The following LEPR variants were observed in gnomAD, a reference collection of about 807,000 sequenced individuals.
LEPR encodes the protein OB receptor.
A neutral mutation model predicts 114.7 loss-of-function variants in LEPR; 56 were observed. The ratio of observed to expected loss-of-function variants is 0.49; its 90% CI spans 0.39 to 0.61. LEPR has a LOEUF of 0.61. Ranked by LOEUF, LEPR falls within the 20% of genes least tolerant of loss-of-function variation. LEPR has a pLI of 0.00. For missense variants in LEPR, 1,202 were observed against 1,352.9 expected (o/e 0.89, Z 1.75); for synonymous variants, 443 against 461.4 (o/e 0.96, Z 0.51).
At chr1:65,485,327 A>G (rs999291586) in intron 2 of LEPR, among the ~76,000 whole-genome samples, 5 of 152,172 alleles carry the variant, frequency 3.3e-5, no homozygotes, top group Non-Finnish European at 1.5e-5. Context: ...GACTGGGCTA[A>G]GTGCCTTATG....
At chr1:65,632,774 C>G (rs1229776382) in intron 19 of LEPR, among the ~76,000 whole-genome samples, 2 of 151,774 alleles carry the variant, frequency 1.3e-5, no homozygotes, top group Admixed American at 6.6e-5. Context: ...TTAAATTTTT[C>G]TTTTCACTGC....
chr1:65,529,209 T>C (rs1650202083), intron 2 of LEPR, among the ~76,000 whole-genome samples: 1 of 152,126 alleles, frequency 6.6e-6, no homozygotes, highest in Non-Finnish European at 1.5e-5. Flanking sequence ...CTCTCTCCTT[T>C]AAAACAATAT....
chr1:65,601,187 T>C (rs547950666), intron 8 of LEPR, among the ~76,000 whole-genome samples: 21 of 152,148 alleles, frequency 1.4e-4, no homozygotes, highest in Admixed American at 9.2e-4. Flanking sequence ...TCATGGAAGC[T>C]CAACTCACTT....
intron 13 of LEPR, 37 bp downstream of exon 13, chr1:65,610,143 A>C (rs576423035): frequency 6.2e-7 from 1 of 1,614,178 alleles, no homozygotes; most frequent in African/African-American, 1.3e-5. Flanking sequence ...TTGAAAGTGC[A>C]TAAGTGTGTG....
At position 65,425,337 on chromosome 1, in the gene LEPR, A is replaced by G. The variant is rs925369652; in HGVS notation, c.-62A>G. On this transcript the variant is annotated 5_prime_UTR_variant, in exon 2 of 20. Coordinates refer to ENST00000349533, the MANE Select transcript of LEPR (RefSeq NM_002303.6). ...CATTATCCTTCAGTGGGGCTATTGGACTGACTTTTCTTATGCTGGGATGTG... is the reference window on the plus strand; with the variant it reads ...CATTATCCTTCAGTGGGGCTATTGGGCTGACTTTTCTTATGCTGGGATGTG... The G allele has an allele frequency of 6.2e-7, 1 of 1,607,848 alleles. No individual in the cohort carries two copies. The highest frequency in any genetic ancestry group is 8.5e-7 in the Non-Finnish European group (1 of 1,178,704).
rs149346945 is a variant in LEPR, at chr1:65,476,614, C to T, written c.-21+51236C>T. Among the ~76,000 whole-genome samples the T allele has an allele frequency of 8.5e-5, 13 of 152,280 alleles. No individual in the cohort carries two copies. In the East Asian group the frequency reaches 2.3e-3, roughly 27 times the overall value. ...TTTCTTTTTCAAGGTCCAGATCAAA[C>T]AGCAAGTTCTCCACTAAGCCTCTAA... On this transcript the variant is annotated intron_variant, in intron 2 of 19. Coordinates refer to ENST00000349533, the MANE Select transcript of LEPR (RefSeq NM_002303.6).
At chr1:65,482,117 T>TACAC (rs1221058740) in intron 2 of LEPR, among the ~76,000 whole-genome samples, 3 of 94,566 alleles carry the variant, frequency 3.2e-5, no homozygotes, top group African/African-American at 1.1e-4. Context: ...ATGGCAATTT[T>TACAC]ACACATACAC....
At chr1:65,434,943 CA>C in intron 2 of LEPR, 1 of 985,534 alleles carries the variant, frequency 1.0e-6, no homozygotes, top group Non-Finnish European at 1.2e-6. Context: ...ATCTTCTCCA[CA>C]TCTGAAATTC....
At chr1:65,501,074 C>A (rs753487552) in intron 2 of LEPR, among the ~76,000 whole-genome samples, 1 of 152,098 alleles carries the variant, frequency 6.6e-6, no homozygotes, top group Non-Finnish European at 1.5e-5. Context: ...GACTTTCCAT[C>A]CATTTTCCTC....
chr1:65,436,052 A>C, intron 2 of LEPR: 1 of 984,826 alleles, frequency 1.0e-6, no homozygotes, highest in Non-Finnish European at 1.2e-6. Context: ...TTTATATTTT[A>C]CTTTGCGGTA....
At chr1:65,587,529 G>A (rs375872740) in intron 5 of LEPR, among the ~76,000 whole-genome samples, 6 of 151,934 alleles carry the variant, frequency 3.9e-5, no homozygotes, top group African/African-American at 9.7e-5. Flanking sequence ...TAGATGGTTC[G>A]GGGATTGTCT....
intron 1 of LEPR, chr1:65,421,230 A>C (rs1045854296): frequency 7.6e-7 from 1 of 1,318,130 alleles, no homozygotes; most frequent in Non-Finnish European, 1.0e-6. Context: ...GTGTCAATGG[A>C]AAGCACCCAG....
At chr1:65,609,675 G>A (rs1657042665) in intron 12 of LEPR, among the ~76,000 whole-genome samples, 1 of 152,170 alleles carries the variant, frequency 6.6e-6, no homozygotes, top group African/African-American at 2.4e-5. Flanking sequence ...TAGTAGGAGG[G>A]TAAGAGAGTG....
chr1:65,574,969 T>A (rs976306731), intron 5 of LEPR, among the ~76,000 whole-genome samples: 3 of 152,110 alleles, frequency 2.0e-5, no homozygotes, highest in Non-Finnish European at 4.4e-5. Flanking sequence ...GAAGAGCTGA[T>A]CTTTATGCTA....
chr1:65,423,171 T>C (rs9436297), intron 1 of LEPR, among the ~76,000 whole-genome samples: 19,686 of 152,096 alleles, frequency 0.13, 1,356 homozygotes, highest in African/African-American at 0.15. Flanking sequence ...AAGTCCAGAC[T>C]GGAGGTGGAA....
chr1:65,420,887 C>T (rs1234946790), intron 1 of LEPR, 147 bp downstream of exon 1: 2 of 1,038,964 alleles, frequency 1.9e-6, no homozygotes, highest in African/African-American at 1.6e-5. Context: ...ATCGACCGCT[C>T]CCTTCGTCCC....
chr1:65,583,950 T>G (rs1485176523), intron 5 of LEPR, among the ~76,000 whole-genome samples: 3 of 152,140 alleles, frequency 2.0e-5, no homozygotes, highest in African/African-American at 7.2e-5. Context: ...AAAATGCATT[T>G]TTTGTAAACA....
chr1:65,474,677 A>G (rs749771876), intron 2 of LEPR, among the ~76,000 whole-genome samples: 10 of 152,180 alleles, frequency 6.6e-5, no homozygotes, highest in Non-Finnish European at 1.3e-4. Context: ...TAGAGGAAGA[A>G]AGTGGATGGA....
chr1:65,435,145 C>T (rs1646540826), intron 2 of LEPR: 3 of 985,358 alleles, frequency 3.0e-6, no homozygotes, highest in Non-Finnish European at 3.6e-6. Flanking sequence ...TCATCTCTTC[C>T]TCAGGAGGAG....
Sources: gnomAD v4.1 joint callset for allele counts (sites outside exome capture counted in the v4.1 genomes callset) on GRCh38, gnomAD v4.1.1 for gene constraint, MANE v1.5 for transcripts, NCBI Gene and HGNC (gene_info 2026-07-23, HGNC 2026-07-21) for gene names.